Variants in TMEM131L observed in about 807,000 individuals in gnomAD.
TMEM131L encodes transmembrane protein 131-like.
TMEM131L carries 54 observed loss-of-function variants against 192.2 expected under a neutral mutation model. The ratio of observed to expected loss-of-function variants is 0.28; its 90% CI spans 0.23 to 0.35. TMEM131L has a LOEUF of 0.35. Among genes scored for constraint, TMEM131L ranks in the 10% least tolerant of loss-of-function variants. TMEM131L has a pLI of 1.00. For missense variants in TMEM131L, 1,888 were observed against 1,972.9 expected, an observed-to-expected ratio of 0.96 and a Z score of 0.82; for synonymous variants, 701 against 704.9, an observed-to-expected ratio of 0.99 and a Z score of 0.09.
rs527905200 is a variant in TMEM131L at position 153,616,019 on chromosome 4, C to A, written c.3567+3619C>A. ...CTGAGGGCATGGGTCTTGCCGTTTA[C>A]CTCTGTCCCTAGAGCTCAAGGCGGT... is the stretch of plus-strand genomic sequence containing the variant. On this transcript the variant is annotated intron_variant, in intron 26 of 34. Coordinates refer to ENST00000409959, the MANE Select transcript of TMEM131L (RefSeq NM_001131007.2). Among the ~76,000 whole-genome samples, 76 of 152,212 alleles carry A rather than the reference C, an allele frequency of 5.0e-4. No homozygotes were observed. In the South Asian group the frequency reaches 6.4e-3, roughly 13 times the overall value.
rs1322721501 is a variant in TMEM131L at position 153,621,713 on chromosome 4, G to A, written c.3723G>A (p.Val1241=). The A allele has an allele frequency of 1.9e-6, 3 of 1,614,134 alleles. No homozygotes were observed. Among genetic ancestry groups the A allele is most frequent in the Non-Finnish European group, 1.7e-6 (2 of 1,180,012 alleles). The part of the protein sequence containing the change: ...RPPEQSDLKL[V]CSDFERSELS... ...CTGAACAGAGTGATCTAAAGCTTGTGTGCAGTGACTTTGAGAGGTCTGAGC... is the reference window on the plus strand; with the variant it reads ...CTGAACAGAGTGATCTAAAGCTTGTATGCAGTGACTTTGAGAGGTCTGAGC... The change falls in exon 28 of 35, where the codon GTG becomes GTA. Residue 1241 remains valine, a synonymous_variant. Coordinates refer to ENST00000409959, the MANE Select transcript of TMEM131L (RefSeq NM_001131007.2).
intron 3 of TMEM131L, among the ~76,000 whole-genome samples, chr4:153,529,278 G>C (rs988754232): frequency 6.6e-6 from 1 of 152,058 alleles, no homozygotes; most frequent in African/African-American, 2.4e-5. Flanking sequence ...TTAAGGAAAT[G>C]GTACACAGCA....
Position 153,595,347 on chromosome 4 carries a change from A to G in TMEM131L, c.1996-911A>G, listed in dbSNP as rs77371380. On this transcript the variant is annotated intron_variant, in intron 19 of 34. Coordinates refer to ENST00000409959, the MANE Select transcript of TMEM131L (RefSeq NM_001131007.2). ...ATTTAATAGAGGTGCTGTTTTTACT[A>G]TAAGTTTAACACCAAAAGTCAGCAG... Among the ~76,000 whole-genome samples, 15 of 152,302 alleles carry G rather than the reference A, an allele frequency of 9.8e-5. No individual in the cohort carries two copies. The East Asian group carries it at 2.7e-3, about 27-fold the overall frequency.
Position 153,604,123 on chromosome 4 carries a change from T to A in TMEM131L, c.3111T>A (p.Ser1037Arg), listed in dbSNP as rs1732044840. Residue 1037 changes from serine (S) to arginine (R), a missense_variant, in exon 25 of 35, where the codon AGT becomes AGA. Transcript: ENST00000409959. ...ACTGGATCAGCCTCAGATATGCAAG[T>A]GGCATAAATGTCAACCTGCAGAAGA... is the stretch of plus-strand genomic sequence containing the variant. ...RENWISLRYASGINVNLQKNL... is the reference protein window; with the variant it reads ...RENWISLRYARGINVNLQKNL... 1 of 1,614,182 alleles carries A rather than the reference T, an allele frequency of 6.2e-7. No homozygotes were observed. Among genetic ancestry groups the A allele is most frequent in the Non-Finnish European group, 8.5e-7 (1 of 1,180,032 alleles).
chr4:153,584,251 A>T (rs189893778), intron 11 of TMEM131L, among the ~76,000 whole-genome samples: 53 of 152,342 alleles, frequency 3.5e-4, no homozygotes, highest in African/African-American at 1.3e-3. Context: ...ACCTGGAAGG[A>T]TGTTGCAGAA....
chr4:153,588,754 A>G, intron 15 of TMEM131L, 136 bp from the exon 16 acceptor site: 2 of 571,192 alleles, frequency 3.5e-6, no homozygotes, highest in Non-Finnish European at 6.2e-6. Flanking sequence ...ATAAATAAGC[A>G]GCAGAGACAG....
intron 3 of TMEM131L, among the ~76,000 whole-genome samples, chr4:153,532,032 T>G (rs1431561495): frequency 2.0e-5 from 3 of 152,222 alleles, no homozygotes; most frequent in Non-Finnish European, 4.4e-5. Context: ...TTGATTGAAA[T>G]TGATTAGCTC....
intron 3 of TMEM131L, among the ~76,000 whole-genome samples, chr4:153,504,364 C>T (rs1733841127): frequency 7.0e-6 from 1 of 142,686 alleles, no homozygotes; most frequent in African/African-American, 2.7e-5. Flanking sequence ...ACTGCAACCT[C>T]CACCTTCTGG....
At chr4:153,514,932 C>T (rs988420639) in intron 3 of TMEM131L, among the ~76,000 whole-genome samples, 2 of 152,074 alleles carry the variant, frequency 1.3e-5, no homozygotes, top group African/African-American at 4.8e-5. Context: ...CTGCCTCGGC[C>T]TCCCGGATAG....
chr4:153,530,526 A>G (rs6848819), intron 3 of TMEM131L, among the ~76,000 whole-genome samples: 6 of 152,188 alleles, frequency 3.9e-5, no homozygotes, highest in African/African-American at 1.4e-4. Flanking sequence ...AGAATGCTGC[A>G]TAGGCGTAGT....
At chr4:153,510,828 A>G (rs962931905) in intron 3 of TMEM131L, among the ~76,000 whole-genome samples, 8 of 152,028 alleles carry the variant, frequency 5.3e-5, no homozygotes, top group African/African-American at 1.9e-4. Flanking sequence ...TTGAGGCTGC[A>G]GTGAGCCATG....
At chr4:153,596,590 A>G (rs111452795) in intron 20 of TMEM131L, among the ~76,000 whole-genome samples, 6 of 152,320 alleles carry the variant, frequency 3.9e-5, no homozygotes, top group African/African-American at 1.2e-4. Flanking sequence ...CTCTTCTCCA[A>G]TAGGGAGTGT....
At chr4:153,509,884 C>G (rs1177724657) in intron 3 of TMEM131L, among the ~76,000 whole-genome samples, 2 of 152,122 alleles carry the variant, frequency 1.3e-5, no homozygotes, top group Non-Finnish European at 2.9e-5. Flanking sequence ...GAAATCGCTG[C>G]GTCGGGATTG....
intron 3 of TMEM131L, among the ~76,000 whole-genome samples, chr4:153,500,035 TC>T (rs1659443187): frequency 1.4e-5 from 2 of 138,646 alleles, no homozygotes; most frequent in Admixed American, 7.7e-5. Flanking sequence ...GAACCAACCT[TC>T]CTTCCTCCCT....
intron 26 of TMEM131L, among the ~76,000 whole-genome samples, chr4:153,616,150 G>A (rs929684974): frequency 2.0e-5 from 3 of 152,144 alleles, no homozygotes; most frequent in African/African-American, 4.8e-5. Flanking sequence ...GGGTTCACAG[G>A]AGACAGGCCC....
chr4:153,601,170 T>C (rs1442511730), intron 21 of TMEM131L, among the ~76,000 whole-genome samples: 1 of 152,194 alleles, frequency 6.6e-6, no homozygotes, highest in African/African-American at 2.4e-5. Flanking sequence ...ACAATATTTA[T>C]TATTCCATTT....
Position 153,604,830 on chromosome 4 carries a change from G to A in TMEM131L, c.3418+400G>A, listed in dbSNP as rs539730502. 3.9e-5 allele frequency among the ~76,000 whole-genome samples: 6 copies of A among 152,096 alleles called. No homozygotes were observed. The South Asian group carries it at 1.2e-3, about 32-fold the overall frequency. On this transcript the variant is annotated intron_variant, in intron 25 of 34. Transcript: ENST00000409959. ...AGTGATTCTCTTGCCTCAGTCTCTC[G>A]AGTAGCTGGGATTACAGGTGTGTGC...
At chr4:153,609,712 C>T (rs1732483646) in intron 25 of TMEM131L, among the ~76,000 whole-genome samples, 1 of 152,176 alleles carries the variant, frequency 6.6e-6, no homozygotes, top group South Asian at 2.1e-4. Context: ...TCCTAAGAAA[C>T]TTTGATGACT....
chr4:153,468,667 CTG>C (rs1024797630), intron 2 of TMEM131L, among the ~76,000 whole-genome samples: 24 of 152,222 alleles, frequency 1.6e-4, no homozygotes, highest in Admixed American at 4.6e-4. Flanking sequence ...GTCCTGTGCA[CTG>C]TGAGATGTTG....
Sources: gnomAD v4.1 joint callset for allele counts (sites outside exome capture counted in the v4.1 genomes callset) on GRCh38, gnomAD v4.1.1 for gene constraint, MANE v1.5 for transcripts, NCBI Gene and HGNC (gene_info 2026-07-23, HGNC 2026-07-21) for gene names.